The following PNPT1 variants were observed in gnomAD, a reference collection of about 807,000 sequenced individuals.
PNPT1 encodes polyribonucleotide nucleotidyltransferase 1, also known as polyribonucleotide nucleotidyltransferase 1, mitochondrial.
Under a neutral mutation model 119.5 loss-of-function variants are expected in PNPT1, and 53 were observed. That is an observed-to-expected ratio of 0.44 (90% CI 0.36 to 0.56). PNPT1 has a LOEUF of 0.56. Ranked by LOEUF, PNPT1 falls within the 20% of genes least tolerant of loss-of-function variation. The pLI, the probability that PNPT1 is intolerant of heterozygous loss-of-function variation, is 0.00. For missense variants in PNPT1, 948 were observed against 938.5 expected (o/e 1.01, Z -0.13); for synonymous variants, 357 against 322.1 (o/e 1.11, Z -1.16).
chr2:55,674,744 A>G (rs1401642861), intron 8 of PNPT1, among the ~76,000 whole-genome samples: 1 of 152,210 alleles, frequency 6.6e-6, no homozygotes, highest in Admixed American at 6.5e-5. Flanking sequence ...GAAGAAAATG[A>G]TAACAATTGC....
intron 5 of PNPT1, 112 bp downstream of exon 5, chr2:55,683,673 A>G (rs1697314300): frequency 1.1e-6 from 1 of 940,120 alleles, no homozygotes; most frequent in Non-Finnish European, 1.6e-6. Context: ...ATATAACAGT[A>G]TCATAAAAAA....
chr2:55,676,643 C>T (rs191501341), intron 8 of PNPT1, among the ~76,000 whole-genome samples: 1 of 152,242 alleles, frequency 6.6e-6, no homozygotes, highest in Non-Finnish European at 1.5e-5. Context: ...AGGTGGATCA[C>T]CTGAGGTCAG....
intron 5 of PNPT1, among the ~76,000 whole-genome samples, chr2:55,682,362 AG>A (rs1469214583): frequency 6.7e-6 from 1 of 149,768 alleles, no homozygotes; most frequent in Non-Finnish European, 1.5e-5. Flanking sequence ...CAGGAGGCTG[AG>A]GCAGGGAGAA....
chr2:55,652,126 C>G (rs1572805106), intron 18 of PNPT1, among the ~76,000 whole-genome samples: 1 of 152,184 alleles, frequency 6.6e-6, no homozygotes, highest in Non-Finnish European at 1.5e-5. Flanking sequence ...CCTAGTTCAA[C>G]AATCACCCTT....
At chr2:55,652,630 C>T (rs1696246811) in intron 18 of PNPT1, among the ~76,000 whole-genome samples, 1 of 152,102 alleles carries the variant, frequency 6.6e-6, no homozygotes, top group Admixed American at 6.6e-5. Flanking sequence ...CATCCCTTAA[C>T]CAGTATGAAT....
In PNPT1 at chr2:55,680,926, A is replaced by C; in HGVS notation, c.454-8T>G. ...TAACAGATTACACAGAACCTGGTAA[A>C]AGGGAAAAAATTTGATTTGGAAGGG... On this transcript the variant is annotated splice_region_variant and splice_polypyrimidine_tract_variant and intron_variant, in intron 5 of 27. Coordinates refer to ENST00000447944, the MANE Select transcript of PNPT1 (RefSeq NM_033109.5). The C allele has an allele frequency of 6.2e-7, 1 of 1,611,740 alleles. No individual in the cohort carries two copies. Among genetic ancestry groups the C allele is most frequent in the Non-Finnish European group, 8.5e-7 (1 of 1,178,992 alleles).
At chr2:55,653,351 A>C (rs1696272416) in intron 18 of PNPT1, among the ~76,000 whole-genome samples, 1 of 152,218 alleles carries the variant, frequency 6.6e-6, no homozygotes, top group Admixed American at 6.5e-5. Context: ...TCTAATCCTG[A>C]AGTTCTCATT....
intron 11 of PNPT1, among the ~76,000 whole-genome samples, chr2:55,669,904 G>C (rs908013465): frequency 1.5e-4 from 23 of 151,916 alleles, no homozygotes; most frequent in African/African-American, 5.3e-4. Context: ...GATTACAGGA[G>C]CCTGCCACCA....
At position 55,684,990 on chromosome 2, in the gene PNPT1, C is replaced by T. The variant is rs757557556; in HGVS notation, c.356G>A (p.Arg119Lys). ...AGRIPTNYLR[R>K]EIGTSDKEIL... ...TTCTTTATCAGAAGTACCAATCTCTCTTCTCAGATAGTTTGTGGGAATTCT... is the reference window on the plus strand; with the variant it reads ...TTCTTTATCAGAAGTACCAATCTCTTTTCTCAGATAGTTTGTGGGAATTCT... Residue 119 changes from arginine to lysine, a missense_variant, in exon 4 of 28, where the codon AGA becomes AAA. By Grantham distance (26) the Arg-to-Lys change is conservative (BLOSUM62 2). Coordinates refer to ENST00000447944, the MANE Select transcript of PNPT1 (RefSeq NM_033109.5). 1.3e-5 allele frequency: 20 copies of T among 1,594,714 alleles called. No individual in the cohort carries two copies. Among genetic ancestry groups the T allele is most frequent in the Non-Finnish European group, 1.5e-5 (18 of 1,166,006 alleles).
chr2:55,667,316 C>T (rs1020124080), intron 12 of PNPT1, among the ~76,000 whole-genome samples: 5 of 152,104 alleles, frequency 3.3e-5, no homozygotes, highest in South Asian at 4.1e-4. Context: ...ACAGGTAGGC[C>T]GGGCGCGGTG....
chr2:55,648,410 T>C (rs2104042109), intron 18 of PNPT1, among the ~76,000 whole-genome samples: 1 of 152,368 alleles, frequency 6.6e-6, no homozygotes, highest in Non-Finnish European at 1.5e-5. Context: ...TTTGTTAGAC[T>C]GTCAAACTGC....
chr2:55,674,863 A>C (rs545750857), intron 8 of PNPT1, among the ~76,000 whole-genome samples: 2 of 152,330 alleles, frequency 1.3e-5, no homozygotes, highest in East Asian at 1.9e-4. Context: ...TCTTTTTCTC[A>C]TCTGTATTTC....
chr2:55,647,803 G>A (rs183915364), intron 18 of PNPT1, among the ~76,000 whole-genome samples: 221 of 152,262 alleles, frequency 1.5e-3, no homozygotes, highest in Non-Finnish European at 2.7e-3. Context: ...GATTACAAGC[G>A]TGAGCCACCG....
intron 19 of PNPT1, 146 bp from the exon 20 acceptor site, chr2:55,646,632 A>G: frequency 1.6e-6 from 1 of 607,006 alleles, no homozygotes; most frequent in East Asian, 2.9e-5. Context: ...ATTAACTACC[A>G]CTTCCAATTT....
chr2:55,663,653 GT>G (rs998561556), intron 13 of PNPT1, among the ~76,000 whole-genome samples: 2 of 152,090 alleles, frequency 1.3e-5, no homozygotes, highest in Admixed American at 6.6e-5. Context: ...ATTTGAATGG[GT>G]CCTTTTCATC....
At chr2:55,690,198 C>T (rs543435191) in intron 1 of PNPT1, among the ~76,000 whole-genome samples, 4 of 152,264 alleles carry the variant, frequency 2.6e-5, no homozygotes, top group African/African-American at 9.6e-5. Context: ...ATGAAATAGG[C>T]AGCACTATTA....
At chr2:55,676,952 A>T (rs1446618536) in intron 8 of PNPT1, among the ~76,000 whole-genome samples, 1 of 152,190 alleles carries the variant, frequency 6.6e-6, no homozygotes, top group Admixed American at 6.6e-5. Context: ...TTTGTATCAC[A>T]GAAGTTCCAT....
intron 7 of PNPT1, among the ~76,000 whole-genome samples, chr2:55,680,425 TAAA>T (rs35483599): frequency 4.8e-4 from 63 of 132,182 alleles, no homozygotes; most frequent in Admixed American, 6.8e-4. Context: ...ATTTCCCAGT[TAAA>T]AAAAAAAAAA....
chr2:55,689,684 T>C (rs1213804648), intron 1 of PNPT1, among the ~76,000 whole-genome samples: 2 of 152,182 alleles, frequency 1.3e-5, no homozygotes, highest in African/African-American at 4.8e-5. Context: ...AGTGGTTACC[T>C]GGGGCTGGGG....
Sources: allele counts gnomAD v4.1 joint callset (sites outside exome capture counted in the v4.1 genomes callset), GRCh38; gene constraint gnomAD v4.1.1; transcripts MANE v1.5; gene names NCBI Gene and HGNC (gene_info 2026-07-23, HGNC 2026-07-21).